SLC15A4: variants seen among roughly 807,000 people sequenced by gnomAD.
The protein encoded by SLC15A4 is solute carrier family 15 member 4.
Under a neutral mutation model 46.1 loss-of-function variants are expected in SLC15A4, and 26 were observed. That is an observed-to-expected ratio of 0.56 (90% CI 0.41 to 0.78). SLC15A4 has a LOEUF of 0.78. Among genes scored for constraint, SLC15A4 ranks in the 30% least tolerant of loss-of-function variants. SLC15A4 has a pLI of 0.00. For synonymous variants in SLC15A4, 370 were observed against 333.4 expected (o/e 1.11, Z -1.20); for missense variants, 751 against 755.7 (o/e 0.99, Z 0.07).
chr12:128,807,474 G>C (rs1955603515), intron 5 of SLC15A4, among the ~76,000 whole-genome samples: 1 of 152,234 alleles, frequency 6.6e-6, no homozygotes. Context: ...TCCCTTCCTT[G>C]GCATCAACCA....
At chr12:128,799,493 T>C (rs748171091) in intron 6 of SLC15A4, 76 bp from the exon 7 acceptor site, 8 of 1,526,462 alleles carry the variant, frequency 5.2e-6, no homozygotes, top group East Asian at 2.3e-5. Flanking sequence ...TCACCTAATA[T>C]AGCAGAGGAA....
intron 2 of SLC15A4, chr12:128,813,648 G>A (rs1955697439): frequency 6.6e-6 from 1 of 152,230 alleles, no homozygotes; most frequent in African/African-American, 2.4e-5. Context: ...CCAGCAACCA[G>A]TGCCATGCCA....
chr12:128,794,549 T>C (rs1251041178), intron 7 of SLC15A4, among the ~76,000 whole-genome samples, 193 bp from the exon 8 acceptor site: 2 of 152,222 alleles, frequency 1.3e-5, no homozygotes, highest in African/African-American at 4.8e-5. Context: ...TGAAGTCAGA[T>C]ACATCGCCAC....
In SLC15A4 at chr12:128,814,111, C is replaced by G. The variant is rs567233282; in HGVS notation, c.842+664G>C. 1.3e-3 allele frequency: 204 copies of G among 158,298 alleles called. 1 individual carries two copies. Among genetic ancestry groups the G allele is most frequent in the African/African-American group, 4.7e-3 (194 of 41,642 alleles). The allele number at this position is 158,298 out of a possible 1,614,324, so 9.8% of individuals were successfully genotyped here. ...ACTTTGGTGCTAACACTGGGTAAGT[C>G]CCATGAGATCATCTGGTTACCCTCA... On this transcript the variant is annotated intron_variant, in intron 2 of 7. Coordinates refer to ENST00000266771, the MANE Select transcript of SLC15A4 (RefSeq NM_145648.4).
In SLC15A4 at chr12:128,794,349, A is replaced by T. The variant is rs773640637; in HGVS notation, c.1581T>A (p.Ile527=). ...WMSSHTDFGN[I]NGCYLNYYFF... ...AGTAATAGTTCAAATAGCAGCCGTT[A>T]ATATTACCTGGAGAAAACAAAAGGA... Residue 527 remains isoleucine, a synonymous_variant, in exon 8 of 8, where the codon ATT becomes ATA. Coordinates refer to ENST00000266771, the MANE Select transcript of SLC15A4 (RefSeq NM_145648.4). The T allele has an allele frequency of 1.9e-6, 3 of 1,609,838 alleles. No individual in the cohort carries two copies. Among genetic ancestry groups the T allele is most frequent in the African/African-American group, 2.7e-5 (2 of 74,032 alleles).
chr12:128,806,165 CAAAAAA>C (rs765448653), intron 5 of SLC15A4, among the ~76,000 whole-genome samples: 4 of 86,304 alleles, frequency 4.6e-5, no homozygotes, highest in African/African-American at 9.2e-5. Context: ...GACTCTGTCT[CAAAAAA>C]AAAAAAAAAA....
intron 4 of SLC15A4, 147 bp from the exon 5 acceptor site, chr12:128,809,103 C>T (rs1955623186): frequency 1.4e-6 from 1 of 727,380 alleles, no homozygotes; most frequent in African/African-American, 1.8e-5. Context: ...GACAACGGAA[C>T]TGGGAAAAGA....
intron 5 of SLC15A4, among the ~76,000 whole-genome samples, chr12:128,802,179 A>G (rs371104501): frequency 2.0e-4 from 30 of 152,138 alleles, no homozygotes; most frequent in African/African-American, 7.2e-4. Flanking sequence ...AGGACAGCAA[A>G]CTATTTAGAG....
intron 6 of SLC15A4, 32 bp from the exon 7 acceptor site, chr12:128,799,449 G>A (rs1350067170): frequency 1.2e-6 from 2 of 1,611,988 alleles, no homozygotes; most frequent in Non-Finnish European, 1.7e-6. Context: ...TCGTTTTTGT[G>A]AAAGGGGCAC....
chr12:128,796,198 G>C (rs1955439980), intron 7 of SLC15A4, among the ~76,000 whole-genome samples: 1 of 152,056 alleles, frequency 6.6e-6, no homozygotes, highest in South Asian at 2.1e-4. Context: ...GCCAAGGTGG[G>C]TGATCAACTG....
intron 7 of SLC15A4, among the ~76,000 whole-genome samples, chr12:128,798,663 T>C (rs544713781): frequency 1.3e-5 from 2 of 152,194 alleles, no homozygotes; most frequent in African/African-American, 2.4e-5. Context: ...GCTGGGTCCA[T>C]TTAAAGGCAT....
chr12:128,816,667 C>T (rs1295667193), intron 1 of SLC15A4, among the ~76,000 whole-genome samples: 1 of 152,050 alleles, frequency 6.6e-6, no homozygotes, highest in Non-Finnish European at 1.5e-5. Flanking sequence ...CCCATCTCTA[C>T]AAAAAATTAC....
chr12:128,818,558 C>G (rs1955790527), intron 1 of SLC15A4, among the ~76,000 whole-genome samples: 1 of 152,250 alleles, frequency 6.6e-6, no homozygotes, highest in Admixed American at 6.5e-5. Context: ...GGAGGGGGAC[C>G]TGCCACCTGG....
rs1424435148 is a variant in SLC15A4 at position 128,809,993 on chromosome 12, T to C, written c.961A>G (p.Ile321Val). The change falls in exon 3 of 8, where the codon ATT becomes GTT. Residue 321 changes from isoleucine to valine, a missense_variant. Coordinates refer to ENST00000266771, the MANE Select transcript of SLC15A4 (RefSeq NM_145648.4). ...KVEDVKALVKIVPVFLALIPY... is the reference protein window; with the variant it reads ...KVEDVKALVKVVPVFLALIPY... ...ATCAAAGCCAAGAAAACAGGGACAA[T>C]CTTGACCAGAGCTTTCACATCTTCC... 30 of 1,614,140 alleles carry C rather than the reference T, an allele frequency of 1.9e-5. No homozygotes were observed. Among genetic ancestry groups the C allele is most frequent in the Non-Finnish European group, 2.5e-5 (30 of 1,180,016 alleles).
rs1222699228 is a variant in SLC15A4, at chr12:128,823,863, AGCCGCCGCCGCGGCCGCC to A, written c.63_80del (p.Ala22_Ala27del). 1.9e-6 allele frequency: 2 copies of A among 1,077,538 alleles called. No individual in the cohort carries two copies. The highest frequency in any genetic ancestry group is 3.4e-5 in the African/African-American group (2 of 59,052). The allele number at this position is 1,077,538 out of a possible 1,614,324, so 66.7% of individuals were successfully genotyped here. A position where few individuals can be genotyped will look rare whatever the true frequency, so the allele number is the denominator to read the frequency against. On this transcript the variant is annotated inframe_deletion, in exon 1 of 8. Coordinates refer to ENST00000266771, the MANE Select transcript of SLC15A4 (RefSeq NM_145648.4). The stretch of plus-strand genomic sequence containing the variant: ...CCGCGCGCCGGCCCGCGAACGCCCC[AGCCGCCGCCGCGGCCGCC>A]GCCGCCCGCCGCGCGCCCAGCAGCG...
intron 6 of SLC15A4, among the ~76,000 whole-genome samples, chr12:128,799,861 G>A (rs1031953321): frequency 1.3e-5 from 2 of 151,928 alleles, no homozygotes; most frequent in African/African-American, 2.4e-5. Flanking sequence ...TTTTTGTTGA[G>A]ACGGAGTTTT....
intron 1 of SLC15A4, among the ~76,000 whole-genome samples, chr12:128,822,734 C>CCAGGCTGGT (rs1955864770): frequency 6.6e-6 from 1 of 152,160 alleles, no homozygotes; most frequent in East Asian, 1.9e-4. Context: ...GTATTTTTAG[C>CCAGGCTGGT]CAGGCTGGTC....
Position 128,823,582 on chromosome 12 carries a change from G to A in SLC15A4, c.362C>T (p.Pro121Leu). The A allele has an allele frequency of 4.8e-6, 7 of 1,448,034 alleles. No homozygotes were observed. The highest frequency in any genetic ancestry group is 6.3e-6 in the Non-Finnish European group (7 of 1,107,872). 89.7% of individuals were successfully genotyped at this position (1,448,034 alleles called of 1,614,324 possible). The change falls in exon 1 of 8, where the codon CCG becomes CTG. Residue 121 changes from proline (P) to leucine (L), a missense_variant. Coordinates refer to ENST00000266771, the MANE Select transcript of SLC15A4 (RefSeq NM_145648.4). ...ALYLLGMLAF[P>L]LLAAPATRAA... is the part of the protein sequence containing the mutation. ...TCGCGTGGCGGGCGCGGCCAGCAGC[G>A]GGAAGGCCAGCATGCCCAGCAGGTA...
rs147521912 is a variant in SLC15A4 at position 128,820,549 on chromosome 12, T to C, written c.546+2849A>G. On this transcript the variant is annotated intron_variant, in intron 1 of 7. Transcript: ENST00000266771. ...AGCTCACATTCAAAGGACAGGCTTT[T>C]GAATCCTGGCTCAGTCACATACAAG... Among the ~76,000 whole-genome samples, 358 of 152,376 alleles carry C rather than the reference T, an allele frequency of 2.3e-3. 2 individuals carry two copies. The highest frequency in any genetic ancestry group is 8.1e-3 in the African/African-American group (335 of 41,590).
Sources: allele counts gnomAD v4.1 joint callset (sites outside exome capture counted in the v4.1 genomes callset), GRCh38; gene constraint gnomAD v4.1.1; transcripts MANE v1.5; gene names NCBI Gene and HGNC (gene_info 2026-07-23, HGNC 2026-07-21).